OSMR: variants seen among roughly 807,000 people sequenced by gnomAD.
OSMR encodes the protein oncostatin-M-specific receptor subunit beta.
In OSMR, 81 loss-of-function variants were observed where a neutral mutation model predicts 99.9. That is an observed-to-expected ratio of 0.81 (90% CI 0.68 to 0.97). The LOEUF (loss-of-function observed/expected upper bound fraction) is 0.97, where lower values mean the gene tolerates loss of function less well. OSMR is among the 50% of genes least tolerant of loss of function. The pLI, the probability that OSMR is intolerant of heterozygous loss-of-function variation, is 0.00. For synonymous variants in OSMR, 406 were observed against 410.4 expected (o/e 0.99, Z 0.13); for missense variants, 1,099 against 1,153.4 (o/e 0.95, Z 0.68).
chr5:38,868,508 A>T (rs990534949), intron 1 of OSMR, among the ~76,000 whole-genome samples: 2 of 152,168 alleles, frequency 1.3e-5, no homozygotes, highest in African/African-American at 4.8e-5. Context: ...GATAGTTAAT[A>T]AGTCTCATGA....
At chr5:38,896,541 T>C (rs1744530255) in intron 7 of OSMR, among the ~76,000 whole-genome samples, 1 of 152,160 alleles carries the variant, frequency 6.6e-6, no homozygotes, top group Admixed American at 6.5e-5. Flanking sequence ...TCTAATAGTT[T>C]CTTGGTGAAG....
chr5:38,919,025 T>G lies in OSMR; in HGVS notation c.1548T>G (p.Pro516=). The G allele has an allele frequency of 6.2e-7, 1 of 1,614,100 alleles. No individual in the cohort carries two copies. Among genetic ancestry groups the G allele is most frequent in the Non-Finnish European group, 8.5e-7 (1 of 1,179,938 alleles). The change falls in exon 11 of 18, where the codon CCT becomes CCG. Residue 516 remains proline, a synonymous_variant. Coordinates refer to ENST00000274276, the MANE Select transcript of OSMR (RefSeq NM_003999.3). ...VIANNSVGAS[P]ASVIVISADP... ...CCAACAACAGTGTGGGTGCTTCTCCTGCTTCTGTAATAGTCATCTCTGCAG... is the reference window on the plus strand; with the variant it reads ...CCAACAACAGTGTGGGTGCTTCTCCGGCTTCTGTAATAGTCATCTCTGCAG...
In OSMR at chr5:38,898,082, G is replaced by T. The variant is rs1314083902; in HGVS notation, c.992-5800G>T. 5.3e-5 allele frequency among the ~76,000 whole-genome samples: 8 copies of T among 152,218 alleles called. No homozygotes were observed. The East Asian group carries it at 1.5e-3, about 29-fold the overall frequency. ...GAGAAGAATGTATTCTGCAGCCATT[G>T]TACAAAATATTTCTGTAAATATCTA... On this transcript the variant is annotated intron_variant, in intron 7 of 17. Coordinates refer to ENST00000274276, the MANE Select transcript of OSMR (RefSeq NM_003999.3).
At chr5:38,916,435 T>C (rs2112619742) in intron 9 of OSMR, among the ~76,000 whole-genome samples, 1 of 152,354 alleles carries the variant, frequency 6.6e-6, no homozygotes, top group East Asian at 1.9e-4. Context: ...TTACTCTCTC[T>C]GGGTCTTAGT....
At chr5:38,867,835 CTATT>C (rs1742063045) in intron 1 of OSMR, among the ~76,000 whole-genome samples, 1 of 151,166 alleles carries the variant, frequency 6.6e-6, no homozygotes, top group African/African-American at 2.4e-5. Flanking sequence ...TCTCTTGAGA[CTATT>C]GTATTTGGAG....
intron 1 of OSMR, among the ~76,000 whole-genome samples, chr5:38,864,363 G>A (rs74767211): frequency 0.041 from 6,179 of 151,888 alleles, 233 homozygotes; most frequent in African/African-American, 0.095. Context: ...ATATTTTCAC[G>A]TGTTTTCATG....
At chr5:38,879,562 G>A (rs980121318) in intron 3 of OSMR, among the ~76,000 whole-genome samples, 2 of 151,956 alleles carry the variant, frequency 1.3e-5, no homozygotes, top group Non-Finnish European at 2.9e-5. Flanking sequence ...GAGCGAAGTT[G>A]CCATTATTGA....
chr5:38,871,901 G>T (rs1435846819), intron 2 of OSMR, among the ~76,000 whole-genome samples: 2 of 152,068 alleles, frequency 1.3e-5, no homozygotes. Flanking sequence ...TTATTTCCTT[G>T]AGTAGTGTTG....
intron 1 of OSMR, among the ~76,000 whole-genome samples, chr5:38,852,266 G>A (rs192923862): frequency 1.3e-5 from 2 of 151,910 alleles, no homozygotes; most frequent in South Asian, 2.1e-4. Context: ...ACACATTTGC[G>A]TACAACATGT....
At chr5:38,925,954 G>T (rs1354054071) in intron 15 of OSMR, among the ~76,000 whole-genome samples, 2 of 152,154 alleles carry the variant, frequency 1.3e-5, no homozygotes, top group Non-Finnish European at 2.9e-5. Context: ...ATGGTGAGGT[G>T]GAGAGATAGA....
At chr5:38,861,274 C>G (rs958915531) in intron 1 of OSMR, among the ~76,000 whole-genome samples, 2 of 150,634 alleles carry the variant, frequency 1.3e-5, no homozygotes, top group African/African-American at 5.0e-5. Context: ...GCGGGCCTTC[C>G]GCAGTGTTTG....
downstream of OSMR, chr5:38,940,255 G>A: frequency 4.3e-6 from 1 of 230,634 alleles, no homozygotes; most frequent in South Asian, 1.8e-4. Context: ...GTGTGTGTGT[G>A]TGTAAGACAA....
At chr5:38,878,836 C>T (rs1743035449) in intron 3 of OSMR, among the ~76,000 whole-genome samples, 1 of 152,198 alleles carries the variant, frequency 6.6e-6, no homozygotes. Context: ...GACCACAAAG[C>T]AGAAGTTGAG....
intron 7 of OSMR, among the ~76,000 whole-genome samples, chr5:38,893,161 T>C (rs375672710): frequency 6.6e-6 from 1 of 152,202 alleles, no homozygotes; most frequent in Non-Finnish European, 1.5e-5. Flanking sequence ...TACTGGCCTA[T>C]AGGCCAAGCC....
intron 6 of OSMR, chr5:38,885,821 G>A (rs1271256622): frequency 2.1e-6 from 2 of 940,832 alleles, no homozygotes; most frequent in South Asian, 4.9e-5. Flanking sequence ...CCACCCACGG[G>A]GAGTCAGTGA....
chr5:38,877,265 T>G (rs865776645), intron 3 of OSMR, among the ~76,000 whole-genome samples: 16 of 152,196 alleles, frequency 1.1e-4, no homozygotes, highest in Non-Finnish European at 2.9e-5. Flanking sequence ...TAGTGGAGGC[T>G]TTGGGTACAC....
chr5:38,879,030 G>A (rs920725419), intron 3 of OSMR, among the ~76,000 whole-genome samples: 8 of 152,222 alleles, frequency 5.3e-5, no homozygotes, highest in Non-Finnish European at 8.8e-5. Context: ...CACGCATAGG[G>A]TATTCTACAC....
At position 38,934,842 on chromosome 5, in the gene OSMR, ATT is replaced by A; in HGVS notation, c.*1400_*1401del. The stretch of plus-strand genomic sequence containing the variant: ...TATTTGTCACATTTATTTTACTTTT[ATT>A]TATTTTTTGAGATGAAATTTCGCTC... On this transcript the variant is annotated 3_prime_UTR_variant, in exon 18 of 18. Coordinates refer to ENST00000274276, the MANE Select transcript of OSMR (RefSeq NM_003999.3). The A allele has an allele frequency of 6.7e-6, 1 of 150,134 alleles. No homozygotes were observed. 9.3% of individuals were successfully genotyped at this position (150,134 alleles called of 1,614,324 possible).
At chr5:38,904,176 C>T (rs1745069960) in intron 8 of OSMR, 152 bp downstream of exon 8, 3 of 1,524,640 alleles carry the variant, frequency 2.0e-6, no homozygotes, top group African/African-American at 1.4e-5. Context: ...ATTAATCATA[C>T]ACTTTTATGG....
Sources: gnomAD v4.1 joint callset for allele counts (sites outside exome capture counted in the v4.1 genomes callset) on GRCh38, gnomAD v4.1.1 for gene constraint, MANE v1.5 for transcripts, NCBI Gene and HGNC (gene_info 2026-07-23, HGNC 2026-07-21) for gene names.